ZFTRAF1: variants seen among roughly 807,000 people sequenced by gnomAD.
ZFTRAF1 encodes zinc finger TRAF-type-containing protein 1.
At chr8:144,452,230 G>T in the ZFTRAF1 span, 1 of 1,055,104 alleles carries the variant, frequency 9.5e-7, no homozygotes, top group Non-Finnish European at 1.4e-6. Flanking sequence ...TCCACCGGGA[G>T]CTTGTCCAGA....
At chr8:144,453,804 A>C in the ZFTRAF1 span, 1 of 254,992 alleles carries the variant, frequency 3.9e-6, no homozygotes, top group Non-Finnish European at 7.8e-6. Flanking sequence ...TGACCCCCCT[A>C]CAGGTCCAGA....
the ZFTRAF1 span, chr8:144,452,354 C>T: frequency 1.3e-6 from 2 of 1,548,186 alleles, no homozygotes; most frequent in Admixed American, 2.0e-5. Context: ...GGCGGGGCGC[C>T]TCACCTGTGT....
the ZFTRAF1 span, chr8:144,450,686 G>A: frequency 1.4e-6 from 1 of 717,806 alleles, no homozygotes; most frequent in South Asian, 1.5e-5. Flanking sequence ...CAGGACCCAC[G>A]TCTGGTTCAG....
chr8:144,455,633 G>A, the ZFTRAF1 span: 1 of 152,340 alleles, frequency 6.6e-6, no homozygotes, highest in Non-Finnish European at 1.5e-5. Context: ...GGGGGCCTTG[G>A]ACGAGGTTCT....
the ZFTRAF1 span, among the ~76,000 whole-genome samples, chr8:144,458,844 G>T: frequency 2.6e-5 from 4 of 152,228 alleles, no homozygotes; most frequent in African/African-American, 9.6e-5. Flanking sequence ...GCATGGGAAT[G>T]GCAGGGCACT....
the ZFTRAF1 span, chr8:144,453,482 C>T: frequency 1.4e-4 from 214 of 1,538,220 alleles, no homozygotes; most frequent in Non-Finnish European, 1.8e-4. Context: ...GAAAGGGAGA[C>T]GAAGCTCACA....
chr8:144,454,797 C>G, the ZFTRAF1 span: 1 of 152,332 alleles, frequency 6.6e-6, no homozygotes, highest in East Asian at 1.9e-4. Context: ...CCTGGGAAGT[C>G]TGAGCTGCCA....
At chr8:144,462,855 G>A in the ZFTRAF1 span, 2 of 152,560 alleles carry the variant, frequency 1.3e-5, no homozygotes, top group African/African-American at 2.4e-5. Context: ...CGCCATCTTT[G>A]TTTTCGCTGT....
At chr8:144,460,229 C>G in the ZFTRAF1 span, among the ~76,000 whole-genome samples, 6 of 152,240 alleles carry the variant, frequency 3.9e-5, no homozygotes, top group African/African-American at 9.6e-5. Context: ...AGCCCCCAGG[C>G]CAGGGAGGGC....
At chr8:144,453,243 T>C in the ZFTRAF1 span, 1 of 1,550,964 alleles carries the variant, frequency 6.4e-7, no homozygotes. Flanking sequence ...TTCCTCTTTC[T>C]GGTGCCTCTC....
the ZFTRAF1 span, chr8:144,462,415 C>G: frequency 5.5e-6 from 2 of 365,066 alleles, no homozygotes; most frequent in Non-Finnish European, 9.5e-6. Flanking sequence ...CTGCCCGCAG[C>G]CGCTTCTTGG....
the ZFTRAF1 span, among the ~76,000 whole-genome samples, chr8:144,458,952 C>A: frequency 6.6e-6 from 1 of 152,248 alleles, no homozygotes; most frequent in African/African-American, 2.4e-5. Context: ...CTTAAGAATG[C>A]CCCATGAGGG....
the ZFTRAF1 span, among the ~76,000 whole-genome samples, chr8:144,450,924 G>A: frequency 5.3e-5 from 8 of 152,132 alleles, no homozygotes; most frequent in East Asian, 1.9e-4. Flanking sequence ...CAAGCCAAAC[G>A]CAACTATGGC....
At chr8:144,450,894 C>T in the ZFTRAF1 span, 6 of 598,594 alleles carry the variant, frequency 1.0e-5, no homozygotes, top group African/African-American at 5.6e-5. Context: ...ACCCGGACAC[C>T]GGGCTCTGCT....
the ZFTRAF1 span, chr8:144,450,519 T>TGACG: frequency 1.4e-6 from 1 of 718,276 alleles, no homozygotes; most frequent in Admixed American, 2.0e-5. Flanking sequence ...AAGTGGTAGA[T>TGACG]GACGGGGCTG....
chr8:144,453,072 A>C, the ZFTRAF1 span: 3 of 701,964 alleles, frequency 4.3e-6, no homozygotes, highest in Admixed American at 8.5e-5. Flanking sequence ...GCACCCTCCC[A>C]CAGGGCCGTC....
At chr8:144,461,653 G>A in the ZFTRAF1 span, among the ~76,000 whole-genome samples, 4 of 152,190 alleles carry the variant, frequency 2.6e-5, no homozygotes, top group Non-Finnish European at 4.4e-5. Context: ...GACTGGAGAA[G>A]GTACCCAAAC....
chr8:144,460,396 A>T, the ZFTRAF1 span, among the ~76,000 whole-genome samples: 1 of 152,260 alleles, frequency 6.6e-6, no homozygotes, highest in Non-Finnish European at 1.5e-5. Flanking sequence ...GGTCAGAAGC[A>T]GAGCCATCAC....
At chr8:144,450,017 C>T in the ZFTRAF1 span, 6 of 276,250 alleles carry the variant, frequency 2.2e-5, no homozygotes, top group East Asian at 1.4e-4. Context: ...CGCCGGAACC[C>T]GCAGGGATGG....
Sources: allele counts gnomAD v4.1 joint callset (sites outside exome capture counted in the v4.1 genomes callset), GRCh38; gene constraint gnomAD v4.1.1; transcripts MANE v1.5; gene names NCBI Gene and HGNC (gene_info 2026-07-23, HGNC 2026-07-21).